The following EYS variants were observed in gnomAD, a reference collection of about 807,000 sequenced individuals.
EYS encodes the protein protein eyes shut homolog.
In EYS, 250 loss-of-function variants were observed where a neutral mutation model predicts 282.1. The observed-to-expected ratio is 0.89, with a 90% CI of 0.80 to 0.98. The LOEUF (loss-of-function observed/expected upper bound fraction) is 0.98. Among genes scored for constraint, EYS ranks in the 50% least tolerant of loss-of-function variants. The probability of loss-of-function intolerance (pLI) is 0.00; values close to 1 mark genes in which losing one functional copy is unlikely to be tolerated. For synonymous variants in EYS, 1,355 were observed against 1,282.9 expected, an observed-to-expected ratio of 1.06 and a Z score of -1.20; for missense variants, 4,016 against 3,709.0, an observed-to-expected ratio of 1.08 and a Z score of -2.15.
intron 33 of EYS, among the ~76,000 whole-genome samples, chr6:64,062,172 A>C (rs898214497): frequency 7.9e-5 from 12 of 152,156 alleles, no homozygotes; most frequent in African/African-American, 2.9e-4. Flanking sequence ...AGACCTTTAA[A>C]TTCTAAATTT....
At chr6:64,736,786 G>A (rs1041728659) in intron 22 of EYS, among the ~76,000 whole-genome samples, 1 of 152,092 alleles carries the variant, frequency 6.6e-6, no homozygotes, top group African/African-American at 2.4e-5. Context: ...GACTATACAC[G>A]AGTGAGCAAA....
chr6:64,925,147 A>T (rs1447429185), intron 15 of EYS, among the ~76,000 whole-genome samples: 1 of 152,230 alleles, frequency 6.6e-6, no homozygotes, highest in Non-Finnish European at 1.5e-5. Flanking sequence ...GTGGGAGATG[A>T]AAGCCACTTC....
chr6:64,833,441 T>C (rs1474386780), intron 19 of EYS, among the ~76,000 whole-genome samples: 1 of 151,892 alleles, frequency 6.6e-6, no homozygotes, highest in Non-Finnish European at 1.5e-5. Flanking sequence ...TAACTAGCCA[T>C]TGGGTGTTGC....
intron 41 of EYS, among the ~76,000 whole-genome samples, chr6:63,756,353 C>G (rs1400705963): frequency 1.3e-5 from 2 of 152,144 alleles, no homozygotes; most frequent in East Asian, 3.9e-4. Context: ...TGAATTTTGT[C>G]AAAGGCCTTT....
rs544146131 is a variant in EYS at position 64,417,498 on chromosome 6, G to A, written c.5927+18676C>T. Among the ~76,000 whole-genome samples the A allele has an allele frequency of 2.2e-4, 34 of 152,152 alleles. No homozygotes were observed. In the South Asian group the frequency reaches 6.2e-3, roughly 28 times the overall value. ...ACCATTTAGATACATATTGTTGGTGGTGAATTAGATTGCATTGAATAATGA... is the reference window on the plus strand; with the variant it reads ...ACCATTTAGATACATATTGTTGGTGATGAATTAGATTGCATTGAATAATGA... On this transcript the variant is annotated intron_variant, in intron 28 of 42. Coordinates refer to ENST00000503581, the MANE Select transcript of EYS (RefSeq NM_001142800.2).
At chr6:64,104,608 T>C (rs1052694106) in intron 31 of EYS, among the ~76,000 whole-genome samples, 37 of 151,826 alleles carry the variant, frequency 2.4e-4, no homozygotes, top group African/African-American at 7.8e-4. Flanking sequence ...TGTCTTACTA[T>C]AGTAGTCAGT....
At chr6:64,908,774 T>C (rs1269293102) in intron 16 of EYS, among the ~76,000 whole-genome samples, 1 of 151,872 alleles carries the variant, frequency 6.6e-6, no homozygotes, top group Non-Finnish European at 1.5e-5. Flanking sequence ...TGCTGATTGG[T>C]TTGTGAGTGT....
chr6:64,489,960 A>G lies in EYS; in HGVS notation c.5645-50608T>C, dbSNP rs563351301. On this transcript the variant is annotated intron_variant, in intron 26 of 42. Transcript: ENST00000503581. ...ATAACGTAATGATAGTGACTCAAGC[A>G]CACTTTGGCACAGTCTGAAAAGGCA... Among the ~76,000 whole-genome samples, 30 of 150,906 alleles carry G rather than the reference A, an allele frequency of 2.0e-4. No individual in the cohort carries two copies. The East Asian group carries it at 5.1e-3, about 25-fold the overall frequency.
chr6:64,614,294 T>A (rs533631520), intron 24 of EYS, among the ~76,000 whole-genome samples: 1 of 152,254 alleles, frequency 6.6e-6, no homozygotes, highest in South Asian at 2.1e-4. Flanking sequence ...GCCTGACTCC[T>A]AGCCAGATAA....
At chr6:64,815,180 T>C (rs747015386) in intron 21 of EYS, 5 of 438,696 alleles carry the variant, frequency 1.1e-5, no homozygotes, top group Non-Finnish European at 2.3e-5. Context: ...GAACTAAGTA[T>C]GTTTTTATAA....
At chr6:63,911,624 G>A (rs1424589734) in intron 35 of EYS, among the ~76,000 whole-genome samples, 2 of 152,044 alleles carry the variant, frequency 1.3e-5, no homozygotes, top group Non-Finnish European at 2.9e-5. Flanking sequence ...GTATGACCTG[G>A]GTCATTCCTT....
intron 12 of EYS, among the ~76,000 whole-genome samples, chr6:65,200,540 A>C (rs1349923932): frequency 2.6e-5 from 4 of 151,672 alleles, no homozygotes; most frequent in Admixed American, 2.6e-4. Flanking sequence ...TGTCAGAGAG[A>C]CAAAAGAGAA....
At chr6:64,312,101 A>G (rs541271464) in intron 29 of EYS, among the ~76,000 whole-genome samples, 1 of 151,818 alleles carries the variant, frequency 6.6e-6, no homozygotes, top group South Asian at 2.1e-4. Flanking sequence ...TCCCACCCCA[A>G]CGGAGCCCAA....
At chr6:64,527,520 T>G (rs886857737) in intron 26 of EYS, among the ~76,000 whole-genome samples, 1 of 151,878 alleles carries the variant, frequency 6.6e-6, no homozygotes, top group East Asian at 1.9e-4. Flanking sequence ...CACACGACTA[T>G]CCTTGATATC....
intron 13 of EYS, among the ~76,000 whole-genome samples, chr6:64,998,539 G>A (rs1042939749): frequency 2.6e-5 from 4 of 152,174 alleles, no homozygotes; most frequent in African/African-American, 9.7e-5. Context: ...TGTACAACAT[G>A]TGTAACTAGG....
At chr6:65,129,042 C>A (rs1004952318) in intron 12 of EYS, among the ~76,000 whole-genome samples, 2 of 151,836 alleles carry the variant, frequency 1.3e-5, no homozygotes, top group African/African-American at 2.4e-5. Context: ...ACAAATTTTA[C>A]AAAAATAATC....
intron 5 of EYS, among the ~76,000 whole-genome samples, chr6:65,442,745 C>T (rs1768387098): frequency 6.7e-6 from 1 of 149,984 alleles, no homozygotes; most frequent in African/African-American, 2.5e-5. Context: ...CAGAGCGAGA[C>T]TCCATCTCAA....
intron 12 of EYS, among the ~76,000 whole-genome samples, chr6:65,104,077 T>C (rs942971615): frequency 1.2e-4 from 18 of 151,496 alleles, no homozygotes; most frequent in Non-Finnish European, 1.8e-4. Context: ...GGTTGCATTA[T>C]AGAACATTAT....
intron 12 of EYS, among the ~76,000 whole-genome samples, chr6:65,241,481 CACCCACTTTT>C (rs1226050766): frequency 1.3e-5 from 2 of 152,100 alleles, no homozygotes; most frequent in Admixed American, 6.6e-5. Flanking sequence ...TCCACTCCAA[CACCCACTTTT>C]TTAAAATCAA....
Sources: gnomAD v4.1 joint callset for allele counts (sites outside exome capture counted in the v4.1 genomes callset) on GRCh38, gnomAD v4.1.1 for gene constraint, MANE v1.5 for transcripts, NCBI Gene and HGNC (gene_info 2026-07-23, HGNC 2026-07-21) for gene names.